The following SH3PXD2A variants were observed in gnomAD, a reference collection of about 807,000 sequenced individuals.
The protein encoded by SH3PXD2A is SH3 and PX domain-containing protein 2A.
Under a neutral mutation model 115.2 loss-of-function variants are expected in SH3PXD2A, and 32 were observed. The ratio of observed to expected loss-of-function variants is 0.28; its 90% CI spans 0.21 to 0.37. SH3PXD2A has a LOEUF of 0.37. SH3PXD2A is among the 10% of genes least tolerant of loss of function. The probability of loss-of-function intolerance (pLI) is 1.00; values close to 1 mark genes in which losing one functional copy is unlikely to be tolerated. For synonymous variants in SH3PXD2A, 610 were observed against 629.1 expected (o/e 0.97, Z 0.45); for missense variants, 1,328 against 1,498.7 (o/e 0.89, Z 1.88).
chr10:103,786,830 C>A lies in SH3PXD2A; in HGVS notation c.153+14452G>T, dbSNP rs964713829. On this transcript the variant is annotated intron_variant, in intron 2 of 14. Coordinates refer to ENST00000369774, the MANE Select transcript of SH3PXD2A (RefSeq NM_001394015.1). ...TGGTTCCTACGGAGAGTCCCCCCAG[C>A]CTGAGGGGTGACCCCTGCTCCCCAA... 4.6e-5 allele frequency among the ~76,000 whole-genome samples: 7 copies of A among 152,224 alleles called. No homozygotes were observed. In the South Asian group the frequency reaches 6.2e-4, roughly 14 times the overall value.
At chr10:103,814,069 T>G (rs894130718) in intron 1 of SH3PXD2A, among the ~76,000 whole-genome samples, 1 of 152,132 alleles carries the variant, frequency 6.6e-6, no homozygotes, top group Non-Finnish European at 1.5e-5. Flanking sequence ...CAGAGTAATT[T>G]GTACTACTAA....
At chr10:103,817,687 A>G (rs555863039) in intron 1 of SH3PXD2A, among the ~76,000 whole-genome samples, 1 of 152,332 alleles carries the variant, frequency 6.6e-6, no homozygotes, top group South Asian at 2.1e-4. Flanking sequence ...GTGAGAACAC[A>G]TGGTATTTGG....
At chr10:103,631,891 G>A (rs2036785516) in intron 8 of SH3PXD2A, among the ~76,000 whole-genome samples, 1 of 152,096 alleles carries the variant, frequency 6.6e-6, no homozygotes, top group Non-Finnish European at 1.5e-5. Flanking sequence ...GTCAAGGTGG[G>A]AGGACTGCTT....
chr10:103,772,386 G>A (rs1350405214), intron 2 of SH3PXD2A, among the ~76,000 whole-genome samples: 1 of 152,148 alleles, frequency 6.6e-6, no homozygotes, highest in Non-Finnish European at 1.5e-5. Flanking sequence ...CGGTGAGGCA[G>A]GAAGGCCCCG....
chr10:103,706,965 C>A (rs2037988588), intron 5 of SH3PXD2A, among the ~76,000 whole-genome samples: 1 of 152,196 alleles, frequency 6.6e-6, no homozygotes, highest in Non-Finnish European at 1.5e-5. Flanking sequence ...TGTGACATCA[C>A]CTTGGTTGTC....
chr10:103,681,589 C>T (rs559387852), intron 6 of SH3PXD2A, among the ~76,000 whole-genome samples: 109 of 152,232 alleles, frequency 7.2e-4, no homozygotes, highest in South Asian at 3.1e-3. Flanking sequence ...ACTAAAAATA[C>T]AAAAATTAGC....
chr10:103,651,732 C>T (rs1432174285), intron 8 of SH3PXD2A, among the ~76,000 whole-genome samples: 1 of 152,208 alleles, frequency 6.6e-6, no homozygotes, highest in Non-Finnish European at 1.5e-5. Flanking sequence ...TACTGTGATT[C>T]AGAAAGAGAT....
chr10:103,852,989 G>A (rs568398258), intron 1 of SH3PXD2A, among the ~76,000 whole-genome samples: 2 of 152,042 alleles, frequency 1.3e-5, no homozygotes, highest in African/African-American at 2.4e-5. Flanking sequence ...ATGAGTCTTC[G>A]GGTCTCTGCC....
At chr10:103,652,184 T>C (rs1397866600) in intron 8 of SH3PXD2A, among the ~76,000 whole-genome samples, 2 of 152,020 alleles carry the variant, frequency 1.3e-5, no homozygotes, top group African/African-American at 4.8e-5. Flanking sequence ...GCTAAGACAG[T>C]TGGATGAAAC....
At chr10:103,836,069 C>CT (rs548484874) in intron 1 of SH3PXD2A, among the ~76,000 whole-genome samples, 458 of 152,252 alleles carry the variant, frequency 3.0e-3, no homozygotes, top group African/African-American at 0.011. Flanking sequence ...GGCCCCTTAT[C>CT]TATAAAGGGG....
At chr10:103,660,267 C>A (rs1002494058) in intron 8 of SH3PXD2A, among the ~76,000 whole-genome samples, 4 of 152,144 alleles carry the variant, frequency 2.6e-5, no homozygotes, top group African/African-American at 9.7e-5. Flanking sequence ...CAGGCTTGGG[C>A]TCTCCTCTCT....
chr10:103,604,716 T>C (rs2036274235), intron 14 of SH3PXD2A, among the ~76,000 whole-genome samples: 1 of 152,098 alleles, frequency 6.6e-6, no homozygotes, highest in Non-Finnish European at 1.5e-5. Context: ...AGAGAAAGAT[T>C]TTCTCCTTCT....
chr10:103,640,498 G>A (rs1431916160), intron 8 of SH3PXD2A, among the ~76,000 whole-genome samples: 1 of 152,044 alleles, frequency 6.6e-6, no homozygotes, highest in East Asian at 1.9e-4. Flanking sequence ...GGGACAGCAT[G>A]GACAGGCTGC....
chr10:103,617,969 CAA>C (rs2036544944), intron 10 of SH3PXD2A, among the ~76,000 whole-genome samples: 1 of 152,206 alleles, frequency 6.6e-6, no homozygotes, highest in African/African-American at 2.4e-5. Flanking sequence ...TTTGTTAAGA[CAA>C]GGGTTCGATG....
intron 3 of SH3PXD2A, among the ~76,000 whole-genome samples, chr10:103,748,287 T>G (rs1398351678): frequency 2.0e-5 from 3 of 152,298 alleles, no homozygotes; most frequent in African/African-American, 7.2e-5. Context: ...GTGGTGGAGC[T>G]GGGATTGGGT....
rs2037679514 is a variant in SH3PXD2A, at chr10:103,686,460, T to G, written c.427+6568A>C. On this transcript the variant is annotated intron_variant, in intron 6 of 14. Coordinates refer to ENST00000369774, the MANE Select transcript of SH3PXD2A (RefSeq NM_001394015.1). Reference sequence around the variant, plus strand: ...CTTTGCAGGTCTCAAGAGAACCCCTTGCTCTGGGGAGTCTGCTCCAGCCCC... The same window carrying G: ...CTTTGCAGGTCTCAAGAGAACCCCTGGCTCTGGGGAGTCTGCTCCAGCCCC... Among the ~76,000 whole-genome samples, 3 of 152,188 alleles carry G rather than the reference T, an allele frequency of 2.0e-5. No homozygotes were observed. In the South Asian group the frequency reaches 6.2e-4, roughly 32 times the overall value.
At chr10:103,753,187 T>C (rs1411535062) in intron 3 of SH3PXD2A, among the ~76,000 whole-genome samples, 1 of 151,778 alleles carries the variant, frequency 6.6e-6, no homozygotes, top group African/African-American at 2.4e-5. Context: ...ACATAAAGAA[T>C]AGTGGTCAAA....
intron 6 of SH3PXD2A, among the ~76,000 whole-genome samples, chr10:103,678,993 C>T (rs3824774): frequency 0.27 from 41,535 of 152,068 alleles, 6,027 homozygotes; most frequent in East Asian, 0.53. Context: ...AGAGATGCCC[C>T]ACATGGAAGA....
At chr10:103,685,502 CCT>C (rs1402866504) in intron 6 of SH3PXD2A, among the ~76,000 whole-genome samples, 7 of 152,136 alleles carry the variant, frequency 4.6e-5, no homozygotes, top group South Asian at 2.1e-4. Context: ...CCACCTTCCC[CCT>C]GTCTGATTGA....
Sources: allele counts gnomAD v4.1 joint callset (sites outside exome capture counted in the v4.1 genomes callset), GRCh38; gene constraint gnomAD v4.1.1; transcripts MANE v1.5; gene names NCBI Gene and HGNC (gene_info 2026-07-23, HGNC 2026-07-21).